Variants in DENND4C observed in about 807,000 individuals in gnomAD.
The protein encoded by DENND4C is DENN domain containing 4C.
Under a neutral mutation model 203.0 loss-of-function variants are expected in DENND4C, and 108 were observed. The observed-to-expected ratio is 0.53, with a 90% CI of 0.46 to 0.62. DENND4C has a LOEUF of 0.62. Among genes scored for constraint, DENND4C ranks in the 20% least tolerant of loss-of-function variants. The pLI is 0.00. For synonymous variants in DENND4C, 871 were observed against 792.4 expected (o/e 1.10, Z -1.67); for missense variants, 2,481 against 2,301.2 (o/e 1.08, Z -1.60).
At chr9:19,318,761 C>T (rs987267083) in intron 12 of DENND4C, among the ~76,000 whole-genome samples, 1 of 152,150 alleles carries the variant, frequency 6.6e-6, no homozygotes, top group African/African-American at 2.4e-5. Flanking sequence ...ACAAGGCTAC[C>T]AGTCTTACTG....
Position 19,369,869 on chromosome 9 carries a change from GAAC to G in DENND4C, c.5563_5565del (p.Gln1855del), listed in dbSNP as rs758342799. 1.8e-5 allele frequency: 29 copies of G among 1,609,824 alleles called. No individual in the cohort carries two copies. The highest frequency in any genetic ancestry group is 6.7e-5 in the South Asian group (6 of 89,854). Reference sequence around the variant, plus strand: ...AAAGAAATCATCTCTCCTGTCAGAGGAACAACAAGAAACAAGCACTTTAGTAGA... The same window carrying G: ...AAAGAAATCATCTCTCCTGTCAGAGGAACAAGAAACAAGCACTTTAGTAGA... On this transcript the variant is annotated inframe_deletion, in exon 31 of 33. Transcript: ENST00000434457.
chr9:19,328,635 C>G (rs1375187601), intron 16 of DENND4C, among the ~76,000 whole-genome samples: 1 of 74,130 alleles, frequency 1.3e-5, no homozygotes, highest in Admixed American at 1.4e-4. Context: ...ATATATGTGT[C>G]TGTCTGTCTG....
intron 12 of DENND4C, among the ~76,000 whole-genome samples, chr9:19,317,573 T>TA (rs202030642): frequency 3.8e-4 from 58 of 152,196 alleles, no homozygotes; most frequent in African/African-American, 9.9e-4. Context: ...GTGATTACTT[T>TA]AAAAAAAATC....
At chr9:19,302,824 C>T (rs1838863419) in intron 9 of DENND4C, among the ~76,000 whole-genome samples, 1 of 152,142 alleles carries the variant, frequency 6.6e-6, no homozygotes, top group Non-Finnish European at 1.5e-5. Flanking sequence ...CTAGCTGTTC[C>T]TTCTCATTAA....
In DENND4C at chr9:19,342,759, A is replaced by G. The variant is rs747715214; in HGVS notation, c.3131A>G (p.Asn1044Ser). The G allele has an allele frequency of 5.6e-6, 9 of 1,605,670 alleles. No individual in the cohort carries two copies. Among genetic ancestry groups the G allele is most frequent in the Non-Finnish European group, 7.6e-6 (9 of 1,176,848 alleles). Residue 1044 changes from asparagine (N) to serine (S), a missense_variant, in exon 22 of 33, where the codon AAC (asparagine) becomes AGC (serine). Around this residue, in one of 3 missense-constraint regions of DENND4C, gnomAD observed 2,289 missense variants for 2,113.3 expected, o/e 1.08. Transcript: ENST00000434457. ...GTTCCGTCTGGTATATTTGATGTCA[A>G]CAGCAGGAAAAGTAGCACTGGTGAG... Reference protein sequence around the residue: ...VKVPSGIFDVNSRKSSTGSIS... With the variant: ...VKVPSGIFDVSSRKSSTGSIS...
In DENND4C at chr9:19,360,257, A is replaced by G. The variant is rs567908173; in HGVS notation, c.5174A>G (p.Lys1725Arg). The G allele has an allele frequency of 4.3e-6, 7 of 1,612,306 alleles. No homozygotes were observed. The African/African-American group carries it at 6.7e-5, about 15-fold the overall frequency. The change falls in exon 29 of 33, where the codon AAA becomes AGA. Residue 1725 changes from lysine to arginine, a missense_variant. Lys to Arg is a conservative substitution (Grantham distance 26). This residue lies in a region of DENND4C where 2,289 missense variants were observed against 2,113.3 expected (regional missense o/e 1.08). Transcript: ENST00000434457. ...SLQEVVDPLG[K>R]RPNPPPVSVP... ...ATTTTTTTTAAGGATCCTTTAGGAA[A>G]AAGACCCAATCCTCCCCCTGTTTCT...
At position 19,326,506 on chromosome 9, in the gene DENND4C, CTG is replaced by C. The variant is rs1427391218; in HGVS notation, c.2120+315_2120+316del. Reference sequence around the variant, plus strand: ...TGGGAGTTTCATTTTGAAACAAAGACTGTGAAATTCTTATGAATTAGTAATTT... The same window carrying C: ...TGGGAGTTTCATTTTGAAACAAAGACTGAAATTCTTATGAATTAGTAATTT... On this transcript the variant is annotated intron_variant, in intron 15 of 32. Transcript: ENST00000434457. Among the ~76,000 whole-genome samples, 16 of 152,092 alleles carry C rather than the reference CTG, an allele frequency of 1.1e-4. No individual in the cohort carries two copies. In the South Asian group the frequency reaches 2.9e-3, roughly 28 times the overall value.
rs1824409839 is a variant in DENND4C at position 19,352,617 on chromosome 9, T to G, written c.4733T>G (p.Phe1578Cys). The change falls in exon 26 of 33, where the codon TTC becomes TGC. Residue 1578 changes from phenylalanine to cysteine, a missense_variant. Around this residue, in one of 3 missense-constraint regions of DENND4C, gnomAD observed 2,289 missense variants for 2,113.3 expected, o/e 1.08. Coordinates refer to ENST00000434457, the MANE Select transcript of DENND4C (RefSeq NM_001330640.2). ...NTACPFCKSN[F>C]LPLLNIEFKD... ...GCTTGTCCATTCTGTAAAAGCAACT[T>G]CTTGCCTCTTCTCAATATAGAATTC... 3 of 1,613,252 alleles carry G rather than the reference T, an allele frequency of 1.9e-6. No individual in the cohort carries two copies. Among genetic ancestry groups the G allele is most frequent in the African/African-American group, 1.3e-5 (1 of 74,910 alleles).
intron 1 of DENND4C, among the ~76,000 whole-genome samples, chr9:19,249,454 C>T (rs963495758): frequency 2.0e-5 from 3 of 151,898 alleles, no homozygotes; most frequent in African/African-American, 4.8e-5. Context: ...CAGGGTTTCA[C>T]CATGTTGGCC....
intron 27 of DENND4C, 93 bp downstream of exon 27, chr9:19,357,247 A>T (rs1825627389): frequency 8.0e-7 from 1 of 1,253,068 alleles, no homozygotes; most frequent in African/African-American, 1.5e-5. Context: ...TCATATAGGC[A>T]TAAGTTCTGG....
intron 26 of DENND4C, among the ~76,000 whole-genome samples, chr9:19,355,462 T>G (rs904216274): frequency 2.4e-4 from 37 of 152,340 alleles, no homozygotes; most frequent in African/African-American, 7.7e-4. Context: ...CTACTTTTTA[T>G]ATATGATGGT....
intron 2 of DENND4C, among the ~76,000 whole-genome samples, chr9:19,286,163 A>G (rs994141856): frequency 6.6e-6 from 1 of 152,216 alleles, no homozygotes; most frequent in African/African-American, 2.4e-5. Flanking sequence ...GGGTATTGCC[A>G]TCTTATCAAT....
At chr9:19,232,757 G>T (rs529062740) in intron 1 of DENND4C, among the ~76,000 whole-genome samples, 2 of 152,258 alleles carry the variant, frequency 1.3e-5, no homozygotes, top group Admixed American at 1.3e-4. Flanking sequence ...CCAAATTTGG[G>T]AGATTATTTG....
intron 10 of DENND4C, among the ~76,000 whole-genome samples, chr9:19,308,300 A>G (rs1245841669): frequency 6.6e-6 from 1 of 152,264 alleles, no homozygotes; most frequent in Non-Finnish European, 1.5e-5. Flanking sequence ...CGTCCTCAGC[A>G]GATGAGAGTT....
intron 12 of DENND4C, among the ~76,000 whole-genome samples, chr9:19,318,876 T>C (rs1842279388): frequency 6.6e-6 from 1 of 152,134 alleles, no homozygotes; most frequent in Non-Finnish European, 1.5e-5. Context: ...GAACTTAATA[T>C]ATAAATTTTG....
At chr9:19,365,569 C>T (rs976192462) in intron 30 of DENND4C, among the ~76,000 whole-genome samples, 1 of 151,536 alleles carries the variant, frequency 6.6e-6, no homozygotes, top group Non-Finnish European at 1.5e-5. Flanking sequence ...GGCATCCAAA[C>T]TGGAAAGGAA....
At chr9:19,371,603 A>G (rs1193724127) in intron 31 of DENND4C, 153 bp from the exon 32 acceptor site, 1 of 470,862 alleles carries the variant, frequency 2.1e-6, no homozygotes, top group Non-Finnish European at 3.8e-6. Context: ...ACCTCATATA[A>G]CTAACTGTAA....
At position 19,277,644 on chromosome 9, in the gene DENND4C, T is replaced by TTGTG. The variant is rs61179570; in HGVS notation, c.305+1183_305+1186dup. On this transcript the variant is annotated intron_variant, in intron 2 of 32. Coordinates refer to ENST00000434457, the MANE Select transcript of DENND4C (RefSeq NM_001330640.2). ...CTCCTTCCTTTGCAGTTTGGATGCTTTGTGTGTGTGTGTGTGTGTGTAATT... is the reference window on the plus strand; with the variant it reads ...CTCCTTCCTTTGCAGTTTGGATGCTTTGTGTGTGTGTGTGTGTGTGTGTGTAATT... 6.4e-4 allele frequency among the ~76,000 whole-genome samples: 96 copies of TTGTG among 150,022 alleles called. 2 individuals are homozygous for TTGTG. The highest frequency in any genetic ancestry group is 2.9e-3 in the East Asian group (15 of 5,144).
intron 20 of DENND4C, among the ~76,000 whole-genome samples, chr9:19,340,131 T>C (rs917839843): frequency 6.6e-6 from 1 of 152,180 alleles, no homozygotes; most frequent in Non-Finnish European, 1.5e-5. Flanking sequence ...TTCTTTTTCA[T>C]GGGGAATAGA....
Sources: allele counts gnomAD v4.1 joint callset (sites outside exome capture counted in the v4.1 genomes callset), GRCh38; gene constraint gnomAD v4.1.1; regional missense constraint gnomAD v4.1.1; transcripts MANE v1.5; gene names NCBI Gene and HGNC (gene_info 2026-07-23, HGNC 2026-07-21).